The following KLRG1 variants were observed in gnomAD, a reference collection of about 807,000 sequenced individuals.
The protein encoded by KLRG1 is killer cell lectin like receptor G1, also known as killer cell lectin-like receptor subfamily G member 1.
A neutral mutation model predicts 21.8 loss-of-function variants in KLRG1; 16 were observed. That is an observed-to-expected ratio of 0.73 (90% CI 0.50 to 1.11). The LOEUF (loss-of-function observed/expected upper bound fraction) is 1.11. KLRG1 is among the 50% of genes most tolerant of loss of function. The pLI is 0.00. For missense variants in KLRG1, 173 were observed against 218.3 expected (o/e 0.79, Z 1.31); for synonymous variants, 69 against 75.9 (o/e 0.91, Z 0.47).
At chr12:9,140,297 A>C in the KLRG1 span, among the ~76,000 whole-genome samples, 1 of 152,160 alleles carries the variant, frequency 6.6e-6, no homozygotes, top group Non-Finnish European at 1.5e-5. Context: ...GACCCATGCT[A>C]TGGTTTTTTT....
chr12:9,096,824 A>G, the KLRG1 span, among the ~76,000 whole-genome samples: 1 of 152,192 alleles, frequency 6.6e-6, no homozygotes, highest in Non-Finnish European at 1.5e-5. Flanking sequence ...GGGACAGACA[A>G]TGTAAGTTCC....
the KLRG1 span, among the ~76,000 whole-genome samples, chr12:9,097,822 G>A: frequency 3.0e-3 from 456 of 152,158 alleles, 2 homozygotes; most frequent in African/African-American, 0.01. Context: ...TAGTAGATAC[G>A]GGGTTTCATT....
At chr12:9,061,693 C>T in the KLRG1 span, among the ~76,000 whole-genome samples, 865 of 152,132 alleles carry the variant, frequency 5.7e-3, 12 homozygotes, top group African/African-American at 0.02. Flanking sequence ...ATTTATTCTT[C>T]GATCATGATG....
At chr12:9,028,888 A>C in the KLRG1 span, 1 of 639,956 alleles carries the variant, frequency 1.6e-6, no homozygotes, top group Non-Finnish European at 2.9e-6. Context: ...GGCCGCATCC[A>C]CCTCCTCCAT....
the KLRG1 span, among the ~76,000 whole-genome samples, chr12:9,145,182 G>A: frequency 3.0e-4 from 46 of 152,144 alleles, no homozygotes; most frequent in Admixed American, 1.5e-3. Context: ...AGTAATTGTT[G>A]ATAGGGGAAG....
At chr12:9,051,864 T>G in the KLRG1 span, among the ~76,000 whole-genome samples, 1 of 152,228 alleles carries the variant, frequency 6.6e-6, no homozygotes, top group African/African-American at 2.4e-5. Context: ...AAGCCTTACT[T>G]AGATCTTTTC....
At chr12:9,201,887 C>A in the KLRG1 span, among the ~76,000 whole-genome samples, 2 of 151,870 alleles carry the variant, frequency 1.3e-5, no homozygotes, top group South Asian at 2.1e-4. Flanking sequence ...ATAAAAAAGT[C>A]TTTGTGTATA....
At chr12:9,125,305 C>G in the KLRG1 span, among the ~76,000 whole-genome samples, 2 of 152,242 alleles carry the variant, frequency 1.3e-5, no homozygotes, top group East Asian at 3.9e-4. Context: ...GTCTGGGTAC[C>G]TCATTCTTAT....
the KLRG1 span, chr12:9,200,782 T>G: frequency 8.7e-7 from 1 of 1,155,372 alleles, no homozygotes; most frequent in Admixed American, 2.3e-5. Context: ...AAGCAGTAAG[T>G]CTGACTCTAC....
chr12:9,054,512 A>G, the KLRG1 span, among the ~76,000 whole-genome samples: 32 of 152,156 alleles, frequency 2.1e-4, no homozygotes, highest in African/African-American at 7.2e-4. Flanking sequence ...ACAACGTGTA[A>G]TGATCACTTA....
At chr12:8,986,386 TA>T (rs1946842489), upstream of KLRG1, among the ~76,000 whole-genome samples, 1 of 152,212 alleles carries the variant, frequency 6.6e-6, no homozygotes, top group African/African-American at 2.4e-5. Flanking sequence ...GGGGAGTATC[TA>T]CATATATTAT....
the KLRG1 span, among the ~76,000 whole-genome samples, chr12:9,048,300 T>A: frequency 2.0e-5 from 3 of 152,132 alleles, no homozygotes; most frequent in Admixed American, 1.3e-4. Context: ...ACGAGAAATT[T>A]AAAAAATATG....
At chr12:9,095,801 G>A in the KLRG1 span, 13 of 1,007,102 alleles carry the variant, frequency 1.3e-5, no homozygotes, top group African/African-American at 1.9e-5. Flanking sequence ...CGCCCAGGCC[G>A]GACCGCGGAC....
chr12:9,094,607 AAAG>A, the KLRG1 span, among the ~76,000 whole-genome samples: 1 of 152,008 alleles, frequency 6.6e-6, no homozygotes. Context: ...TCAGTTCATC[AAAG>A]AAGTAGCTCA....
the KLRG1 span, among the ~76,000 whole-genome samples, chr12:9,176,925 A>G: frequency 6.6e-6 from 1 of 152,138 alleles, no homozygotes; most frequent in Non-Finnish European, 1.5e-5. Flanking sequence ...CTGTACTTGG[A>G]CCTGATTTAA....
At chr12:8,991,288 G>A (rs933887716) in intron 1 of KLRG1, among the ~76,000 whole-genome samples, 17 of 131,264 alleles carry the variant, frequency 1.3e-4, no homozygotes, top group East Asian at 4.6e-4. Flanking sequence ...TTTAGATTTC[G>A]GTTGTATGCA....
the KLRG1 span, among the ~76,000 whole-genome samples, chr12:9,087,563 A>G: frequency 3.4e-5 from 5 of 146,164 alleles, no homozygotes; most frequent in Non-Finnish European, 7.8e-5. Context: ...GAAGGAATAC[A>G]TTTTTTTCTT....
the KLRG1 span, among the ~76,000 whole-genome samples, chr12:9,018,439 A>G: frequency 3.9e-5 from 6 of 152,190 alleles, no homozygotes; most frequent in Non-Finnish European, 7.4e-5. Context: ...ACATAGACCA[A>G]TGGAACAGAA....
At chr12:9,208,224 G>T in the KLRG1 span, 2 of 1,543,156 alleles carry the variant, frequency 1.3e-6, no homozygotes, top group East Asian at 2.2e-5. Flanking sequence ...AGACTGAAAC[G>T]CACTCTGGAG....
Sources: gnomAD v4.1 joint callset for allele counts (sites outside exome capture counted in the v4.1 genomes callset) on GRCh38, gnomAD v4.1.1 for gene constraint, MANE v1.5 for transcripts, NCBI Gene and HGNC (gene_info 2026-07-23, HGNC 2026-07-21) for gene names.